Variants in SORBS2 observed in about 807,000 individuals in gnomAD.
SORBS2 encodes the protein sorbin and SH3 domain containing 2.
SORBS2 carries 46 observed loss-of-function variants against 97.7 expected under a neutral mutation model. The observed-to-expected ratio is 0.47, with a 90% CI of 0.37 to 0.60. The LOEUF is 0.60. Among genes scored for constraint, SORBS2 ranks in the 20% least tolerant of loss-of-function variants. The pLI, the probability that SORBS2 is intolerant of heterozygous loss-of-function variation, is 0.00. For missense variants in SORBS2, 1,316 were observed against 1,282.3 expected, an observed-to-expected ratio of 1.03 and a Z score of -0.40; for synonymous variants, 476 against 473.4, an observed-to-expected ratio of 1.01 and a Z score of -0.07.
intron 2 of SORBS2, among the ~76,000 whole-genome samples, chr4:185,685,526 T>C (rs755320357): frequency 6.6e-6 from 1 of 152,178 alleles, no homozygotes; most frequent in Non-Finnish European, 1.5e-5. Flanking sequence ...TATATTGCTT[T>C]TACTTTTTAA....
At chr4:185,610,975 A>T (rs1226929372) in intron 12 of SORBS2, among the ~76,000 whole-genome samples, 1 of 152,102 alleles carries the variant, frequency 6.6e-6, no homozygotes, top group Admixed American at 6.5e-5. Context: ...AATAAGAAAA[A>T]ATTTCACATT....
rs562324956 is a variant in SORBS2 at position 185,842,877 on chromosome 4, G to A, written c.-337-67511C>T. Among the ~76,000 whole-genome samples the A allele has an allele frequency of 3.2e-3, 471 of 147,874 alleles. 2 individuals carry two copies. The highest frequency in any genetic ancestry group is 0.011 in the African/African-American group (440 of 39,946). The stretch of plus-strand genomic sequence containing the variant: ...TTGGGCCCAGGAGGCGGAGGTTGCA[G>A]TGAGCCAAGATCACACCACTGTACT... On this transcript the variant is annotated intron_variant, in intron 1 of 20. Coordinates refer to the SORBS2 transcript ENST00000284776.
At chr4:185,888,389 T>A (rs186661392) in intron 1 of SORBS2, among the ~76,000 whole-genome samples, 8 of 151,914 alleles carry the variant, frequency 5.3e-5, no homozygotes, top group Non-Finnish European at 1.0e-4. Flanking sequence ...GAGACTTGAG[T>A]GATGGGGCCA....
intron 4 of SORBS2, chr4:185,666,275 G>A (rs2097596771): frequency 1.3e-6 from 1 of 780,810 alleles, no homozygotes; most frequent in Non-Finnish European, 1.9e-6. Flanking sequence ...TTTGCGATGT[G>A]GCAGAGAAGG....
chr4:185,708,912 A>G (rs796454150), intron 2 of SORBS2, among the ~76,000 whole-genome samples: 2 of 152,360 alleles, frequency 1.3e-5, no homozygotes, highest in African/African-American at 4.8e-5. Context: ...CTGCATTAGA[A>G]TATTATTTCT....
At chr4:185,946,043 T>A (rs989385168) in intron 1 of SORBS2, among the ~76,000 whole-genome samples, 1 of 152,176 alleles carries the variant, frequency 6.6e-6, no homozygotes, top group Non-Finnish European at 1.5e-5. Context: ...TAAAGGGCTA[T>A]CTTTAAAAAG....
chr4:185,913,765 C>G (rs2099256607), intron 1 of SORBS2, among the ~76,000 whole-genome samples: 1 of 152,128 alleles, frequency 6.6e-6, no homozygotes, highest in African/African-American at 2.4e-5. Context: ...GTATGAATGA[C>G]TCTTCAAAGA....
chr4:185,592,653 C>T (rs989054429), intron 13 of SORBS2: 3 of 153,124 alleles, frequency 2.0e-5, no homozygotes, highest in African/African-American at 7.2e-5. Flanking sequence ...TCTCCCTGGC[C>T]CAAGTGATCT....
At chr4:185,853,597 T>C (rs1232961597) in intron 1 of SORBS2, among the ~76,000 whole-genome samples, 1 of 152,232 alleles carries the variant, frequency 6.6e-6, no homozygotes, top group Non-Finnish European at 1.5e-5. Context: ...TGCAAACTTA[T>C]TTTTAATGTG....
chr4:185,724,003 C>T (rs1269675621), intron 2 of SORBS2, among the ~76,000 whole-genome samples: 1 of 152,186 alleles, frequency 6.6e-6, no homozygotes, highest in Non-Finnish European at 1.5e-5. Context: ...CTGATCAGCA[C>T]CTGACATTCC....
chr4:185,685,413 C>A (rs1159492615), intron 2 of SORBS2, among the ~76,000 whole-genome samples: 2 of 152,142 alleles, frequency 1.3e-5, no homozygotes, highest in Non-Finnish European at 1.5e-5. Flanking sequence ...CATGGAAAGT[C>A]CACTCTTCCT....
At chr4:185,937,016 T>A (rs2099269280) in intron 1 of SORBS2, among the ~76,000 whole-genome samples, 1 of 152,254 alleles carries the variant, frequency 6.6e-6, no homozygotes, top group African/African-American at 2.4e-5. Context: ...TAATTCCAAA[T>A]GTAATTGAAA....
At chr4:185,834,056 A>AAATTTAAAATAAAAT (rs2099206609) in intron 1 of SORBS2, among the ~76,000 whole-genome samples, 1 of 152,236 alleles carries the variant, frequency 6.6e-6, no homozygotes, top group Non-Finnish European at 1.5e-5. Flanking sequence ...ATAATGTTTA[A>AAATTTAAAATAAAAT]ACAGCCTTCA....
intron 1 of SORBS2, among the ~76,000 whole-genome samples, chr4:185,788,730 G>A (rs2099067491): frequency 1.3e-5 from 2 of 152,140 alleles, no homozygotes; most frequent in Admixed American, 6.5e-5. Context: ...CATATATAAC[G>A]TTGGGTAAGA....
rs2096542571 is a variant in SORBS2, at chr4:185,611,757, A to G, written c.2796+23T>C. 2.5e-6 allele frequency: 4 copies of G among 1,587,478 alleles called. No homozygotes were observed. In the East Asian group the frequency reaches 9.0e-5, roughly 36 times the overall value. The stretch of plus-strand genomic sequence containing the variant: ...TACTTGGAGCTTCCAATATTACATT[A>G]ACATGATAGAGTATGTTCTTACCTT... On this transcript the variant is annotated intron_variant, in intron 12 of 14. Transcript: ENST00000418609.
chr4:185,930,444 GCCA>G (rs375172090), intron 1 of SORBS2, among the ~76,000 whole-genome samples: 3,495 of 151,980 alleles, frequency 0.023, 143 homozygotes, highest in African/African-American at 0.08. Flanking sequence ...ACAGGCGACC[GCCA>G]CCACCACGCC....
intron 1 of SORBS2, chr4:185,813,056 G>A (rs901643787): frequency 2.0e-5 from 3 of 152,238 alleles, no homozygotes; most frequent in Non-Finnish European, 2.9e-5. Context: ...CATGAACAAC[G>A]TAAATCTTCT....
At chr4:185,785,388 C>CT (rs1339310384) in intron 1 of SORBS2, among the ~76,000 whole-genome samples, 2 of 152,112 alleles carry the variant, frequency 1.3e-5, no homozygotes, top group African/African-American at 4.8e-5. Context: ...CTAAGCGTTC[C>CT]TGTGTCATGG....
intron 2 of SORBS2, among the ~76,000 whole-genome samples, chr4:185,745,990 CTG>C (rs1480426911): frequency 1.3e-5 from 2 of 152,192 alleles, no homozygotes; most frequent in Non-Finnish European, 2.9e-5. Context: ...TCCTCCCACT[CTG>C]TGAACTACAG....
Sources: allele counts gnomAD v4.1 joint callset (sites outside exome capture counted in the v4.1 genomes callset), GRCh38; gene constraint gnomAD v4.1.1; transcripts MANE v1.5; gene names NCBI Gene and HGNC (gene_info 2026-07-23, HGNC 2026-07-21).